ULK4: variants seen among roughly 807,000 people sequenced by gnomAD.
ULK4 encodes the protein unc-51 like kinase 4.
ULK4 carries 133 observed loss-of-function variants against 160.6 expected under a neutral mutation model. That is an observed-to-expected ratio of 0.83 (90% confidence interval 0.72 to 0.96). ULK4 has a LOEUF of 0.96. Among genes scored for constraint, ULK4 ranks in the 40% least tolerant of loss-of-function variants. The pLI is 0.00. For synonymous variants in ULK4, 534 were observed against 539.8 expected (o/e 0.99, Z 0.15); for missense variants, 1,580 against 1,499.5 (o/e 1.05, Z -0.89).
intron 31 of ULK4, among the ~76,000 whole-genome samples, chr3:41,572,277 C>T (rs1476759280): frequency 6.6e-6 from 1 of 152,164 alleles, no homozygotes; most frequent in African/African-American, 2.4e-5. Context: ...GGTTAACCAA[C>T]ACCACCTGTG....
chr3:41,912,950 A>T (rs762394736), intron 8 of ULK4, 51 bp from the exon 9 acceptor site: 1 of 1,572,122 alleles, frequency 6.4e-7, no homozygotes, highest in South Asian at 1.1e-5. Flanking sequence ...TTTACCATGA[A>T]AAATTCCCAA....
chr3:41,815,605 G>A (rs1559574629), intron 19 of ULK4, among the ~76,000 whole-genome samples: 2 of 152,158 alleles, frequency 1.3e-5, no homozygotes, highest in Non-Finnish European at 2.9e-5. Flanking sequence ...CCTGCAACCT[G>A]CACTCCCAGC....
At chr3:41,945,874 T>C (rs1700097117) in intron 2 of ULK4, among the ~76,000 whole-genome samples, 1 of 152,158 alleles carries the variant, frequency 6.6e-6, no homozygotes. Context: ...ATCATTGACT[T>C]CTCTTTCACA....
chr3:41,376,805 T>C (rs1324653799), intron 35 of ULK4, among the ~76,000 whole-genome samples: 1 of 149,906 alleles, frequency 6.7e-6, no homozygotes, highest in African/African-American at 2.5e-5. Flanking sequence ...ATACCCAAGG[T>C]AATTTACAGA....
In ULK4 at chr3:41,709,119, G is replaced by C. The variant is rs2037003234; in HGVS notation, c.2635-3814C>G. On this transcript the variant is annotated intron_variant, in intron 25 of 36. Transcript: ENST00000301831. Reference sequence around the variant, plus strand: ...ATATGTTAACAATGGTTGTCTCCTAGTGTAGAGTTACAGATAATTTTATTT... The same window carrying C: ...ATATGTTAACAATGGTTGTCTCCTACTGTAGAGTTACAGATAATTTTATTT... Among the ~76,000 whole-genome samples, 4 of 152,194 alleles carry C rather than the reference G, an allele frequency of 2.6e-5. No homozygotes were observed. The South Asian group carries it at 8.3e-4, about 32-fold the overall frequency.
At chr3:41,847,744 G>A (rs888449259) in intron 17 of ULK4, among the ~76,000 whole-genome samples, 2 of 151,992 alleles carry the variant, frequency 1.3e-5, no homozygotes, top group South Asian at 2.1e-4. Flanking sequence ...TTTAATCCAT[G>A]TTCTATTTTA....
intron 32 of ULK4, among the ~76,000 whole-genome samples, chr3:41,556,125 T>A (rs79975641): frequency 0.061 from 9,280 of 152,196 alleles, 845 homozygotes; most frequent in African/African-American, 0.2. Context: ...TAAACCCCCA[T>A]GACACAAGTT....
At chr3:41,450,792 A>T (rs1367638932) in intron 34 of ULK4, among the ~76,000 whole-genome samples, 1 of 152,198 alleles carries the variant, frequency 6.6e-6, no homozygotes, top group Non-Finnish European at 1.5e-5. Flanking sequence ...CACAGCTATA[A>T]ATGTGTGTTA....
chr3:41,808,921 C>T (rs2040733989), intron 19 of ULK4, among the ~76,000 whole-genome samples: 1 of 152,174 alleles, frequency 6.6e-6, no homozygotes, highest in Admixed American at 6.6e-5. Context: ...GTAAACCCAG[C>T]ATTTTGGGAG....
chr3:41,325,220 T>C (rs1009373849), intron 35 of ULK4, among the ~76,000 whole-genome samples: 4 of 152,110 alleles, frequency 2.6e-5, no homozygotes, highest in African/African-American at 9.7e-5. Context: ...ATTACAAAGA[T>C]AACCACCCCT....
chr3:41,585,111 A>C (rs1002083957), intron 31 of ULK4, among the ~76,000 whole-genome samples: 2 of 152,184 alleles, frequency 1.3e-5, no homozygotes, highest in African/African-American at 4.8e-5. Context: ...ACCAGATTCA[A>C]TGCAATCTCT....
At chr3:41,910,811 A>C (rs4547673) in intron 11 of ULK4, among the ~76,000 whole-genome samples, 19,012 of 152,012 alleles carry the variant, frequency 0.13, 1,369 homozygotes, top group Middle Eastern at 0.27. Flanking sequence ...CTCTACAAAA[A>C]AATTAGCCAG....
intron 19 of ULK4, among the ~76,000 whole-genome samples, chr3:41,801,403 C>T (rs1472822434): frequency 1.3e-5 from 2 of 151,998 alleles, no homozygotes; most frequent in African/African-American, 4.8e-5. Context: ...TGGAAAAATG[C>T]TTGAAATATT....
At position 41,940,474 on chromosome 3, in the gene ULK4, T is replaced by C. The variant is rs139909158; in HGVS notation, c.139-2277A>G. ...AGTTTTAACACAAGCCTGGACAATA[T>C]AGTAAGACCTCATCTTCACTAAAAA... is the stretch of plus-strand genomic sequence containing the variant. On this transcript the variant is annotated intron_variant, in intron 2 of 36. Transcript: ENST00000301831. Among the ~76,000 whole-genome samples the C allele has an allele frequency of 2.0e-4, 30 of 152,102 alleles. 1 individual carries two copies. In the East Asian group the frequency reaches 5.6e-3, roughly 28 times the overall value.
chr3:41,486,684 A>G (rs2125902058), intron 32 of ULK4, among the ~76,000 whole-genome samples: 1 of 152,228 alleles, frequency 6.6e-6, no homozygotes, highest in Non-Finnish European at 1.5e-5. Context: ...AAAATCAGAG[A>G]AGCTAGTAGT....
At chr3:41,399,630 G>C (rs2082137078) in intron 34 of ULK4, among the ~76,000 whole-genome samples, 1 of 152,058 alleles carries the variant, frequency 6.6e-6, no homozygotes, top group Non-Finnish European at 1.5e-5. Flanking sequence ...CTGGAGTGCA[G>C]TGGTATAAAC....
At chr3:41,615,804 T>A in intron 30 of ULK4, 87 bp from the exon 31 acceptor site, 3 of 1,160,320 alleles carry the variant, frequency 2.6e-6, no homozygotes, top group South Asian at 1.5e-5. Context: ...TCAGCCCCCA[T>A]GTTTTATTGC....
In ULK4 at chr3:41,799,350, C is replaced by T. The variant is rs538291291; in HGVS notation, c.2010+782G>A. ...TATCCTTTACACCACGTTATTATAG[C>T]CATGTGAGTAAAGTAGTAGGCAACC... On this transcript the variant is annotated intron_variant, in intron 20 of 36. Coordinates refer to ENST00000301831, the MANE Select transcript of ULK4 (RefSeq NM_017886.4). 4.6e-5 allele frequency among the ~76,000 whole-genome samples: 7 copies of T among 152,200 alleles called. No individual in the cohort carries two copies. In the South Asian group the frequency reaches 1.2e-3, roughly 27 times the overall value.
At position 41,904,449 on chromosome 3, in the gene ULK4, A is replaced by AATAAATAG. The variant is rs1553684408; in HGVS notation, c.1182+3395_1182+3396insCTATTTAT. On this transcript the variant is annotated intron_variant, in intron 12 of 36. Transcript: ENST00000301831. ...TGTCTCAAAAATAAATAAATAAATA[A>AATAAATAG]ATAGATAGATAGATAGATATGTAAA... is the stretch of plus-strand genomic sequence containing the variant. 2.0e-4 allele frequency among the ~76,000 whole-genome samples: 31 copies of AATAAATAG among 151,984 alleles called. No homozygotes were observed. In the Middle Eastern group the frequency reaches 0.01, roughly 50 times the overall value.
Sources: allele counts gnomAD v4.1 joint callset (sites outside exome capture counted in the v4.1 genomes callset), GRCh38; gene constraint gnomAD v4.1.1; transcripts MANE v1.5; gene names NCBI Gene and HGNC (gene_info 2026-07-23, HGNC 2026-07-21).